OTOGL: variants seen among roughly 807,000 people sequenced by gnomAD.
The protein encoded by OTOGL is otogelin-like protein.
Under a neutral mutation model 318.5 loss-of-function variants are expected in OTOGL, and 285 were observed. That is an observed-to-expected ratio of 0.89 (90% confidence interval 0.81 to 0.99). The LOEUF (loss-of-function observed/expected upper bound fraction) is 0.99. Among genes scored for constraint, OTOGL ranks in the 50% least tolerant of loss-of-function variants. The pLI is 0.00. For missense variants in OTOGL, 2,899 were observed against 2,845.6 expected, an observed-to-expected ratio of 1.02 and a Z score of -0.43; for synonymous variants, 987 against 936.5, an observed-to-expected ratio of 1.05 and a Z score of -0.99.
intron 37 of OTOGL, among the ~76,000 whole-genome samples, chr12:80,332,754 A>G (rs1888155505): frequency 1.3e-5 from 2 of 152,222 alleles, no homozygotes; most frequent in Non-Finnish European, 2.9e-5. Context: ...TTAAAAGCCA[A>G]ATTTCTGGAA....
chr12:80,105,150 GA>G (rs200940002), intron 1 of OTOGL, among the ~76,000 whole-genome samples: 8 of 150,782 alleles, frequency 5.3e-5, no homozygotes, highest in Admixed American at 1.3e-4. Flanking sequence ...AGTATGCTGA[GA>G]AAAAAAAACA....
intron 19 of OTOGL, 127 bp from the exon 20 acceptor site, chr12:80,264,874 G>A: frequency 1.0e-6 from 1 of 988,812 alleles, no homozygotes; most frequent in East Asian, 2.4e-5. Context: ...TGTATAAGCT[G>A]AAATTGTTCA....
At position 80,222,232 on chromosome 12, in the gene OTOGL, G is replaced by T; in HGVS notation, c.476G>T (p.Arg159Leu). The T allele has an allele frequency of 1.3e-6, 2 of 1,595,580 alleles. No individual in the cohort carries two copies. Among genetic ancestry groups the T allele is most frequent in the Admixed American group, 1.7e-5 (1 of 59,856 alleles). Residue 159 changes from arginine to leucine, a missense_variant, in exon 7 of 59, where the codon CGG becomes CTG. Physicochemically the swap from Arg to Leu is moderately radical, Grantham distance 102. This residue lies in a region of OTOGL where 2,607 missense variants were observed against 2,524.9 expected (regional missense o/e 1.03). Coordinates refer to ENST00000547103, the MANE Select transcript of OTOGL (RefSeq NM_001378609.3). ...AAGGACTGTGGTGATTTGGAGCCTC[G>T]GTACACTGTATGGGTAGGTGATTGT... The part of the protein sequence containing the change: ...FAKDCGDLEP[R>L]YTVWVHNSPK...
At chr12:80,307,260 C>CT (rs1326285668) in intron 29 of OTOGL, among the ~76,000 whole-genome samples, 2 of 41,738 alleles carry the variant, frequency 4.8e-5, no homozygotes, top group Non-Finnish European at 2.1e-4. Context: ...CCCCACCTTT[C>CT]CCCCCTTTCT....
intron 52 of OTOGL, among the ~76,000 whole-genome samples, chr12:80,360,716 G>A (rs1024212999): frequency 8.6e-5 from 13 of 151,834 alleles, no homozygotes; most frequent in Non-Finnish European, 1.3e-4. Flanking sequence ...TCCTTACCTC[G>A]TGATCTGCTC....
intron 9 of OTOGL, among the ~76,000 whole-genome samples, chr12:80,234,795 T>C (rs570772647): frequency 1.1e-4 from 16 of 152,312 alleles, no homozygotes; most frequent in Admixed American, 2.6e-4. Context: ...AGTTTACTAG[T>C]AGCTAGAGTA....
rs1314699400 is a variant in OTOGL at position 80,138,939 on chromosome 12, A to G, written c.-20+39334A>G. On this transcript the variant is annotated intron_variant, in intron 1 of 58. Transcript: ENST00000547103. ...GTCCAGTGTGGTAAACATTTAGACT[A>G]TCTTTCTCACCGTCTCTTCCAACTA... 2.6e-5 allele frequency among the ~76,000 whole-genome samples: 4 copies of G among 152,288 alleles called. 1 individual carries two copies. The highest frequency in any genetic ancestry group is 2.0e-4 in the Admixed American group (3 of 15,282).
intron 1 of OTOGL, among the ~76,000 whole-genome samples, chr12:80,126,290 A>G (rs908676755): frequency 2.0e-5 from 3 of 152,036 alleles, no homozygotes; most frequent in African/African-American, 7.2e-5. Context: ...CCTTCATTTC[A>G]TTATGTACCC....
At chr12:80,144,764 G>C (rs1474426493) in intron 1 of OTOGL, among the ~76,000 whole-genome samples, 5 of 152,098 alleles carry the variant, frequency 3.3e-5, no homozygotes, top group Non-Finnish European at 7.4e-5. Context: ...AGTGTGAGAT[G>C]GTATCTCATT....
At chr12:80,323,243 G>A (rs537279734) in intron 34 of OTOGL, among the ~76,000 whole-genome samples, 1 of 152,154 alleles carries the variant, frequency 6.6e-6, no homozygotes, top group Non-Finnish European at 1.5e-5. Context: ...TTTAATCTGA[G>A]CATGAAATGC....
chr12:80,193,004 A>T (rs1217359369), intron 1 of OTOGL, among the ~76,000 whole-genome samples: 1 of 151,772 alleles, frequency 6.6e-6, no homozygotes, highest in Non-Finnish European at 1.5e-5. Context: ...AAAAAAACCG[A>T]ATCAGTTGAA....
rs1399837334 is a variant in OTOGL, at chr12:80,358,727, C to A, written c.6178C>A (p.Leu2060Ile). 3 of 1,613,226 alleles carry A rather than the reference C, an allele frequency of 1.9e-6. No homozygotes were observed. The South Asian group carries it at 3.3e-5, about 18-fold the overall frequency. Residue 2060 changes from leucine to isoleucine, a missense_variant, in exon 51 of 59, where the codon CTT (leucine) becomes ATT (isoleucine). This residue lies in a region of OTOGL where 2,607 missense variants were observed against 2,524.9 expected (regional missense o/e 1.03). Transcript: ENST00000547103. ...ACTCAACTGTGCAGAAGATATGAAT[C>A]TTGTGAAAGAAAATGTATCTGGTCA... ...PLLNCAEDMN[L>I]VKENVSGQCC...
chr12:80,316,851 A>G (rs1213299302), intron 32 of OTOGL, among the ~76,000 whole-genome samples: 1 of 152,176 alleles, frequency 6.6e-6, no homozygotes, highest in Non-Finnish European at 1.5e-5. Flanking sequence ...TCATAAATTT[A>G]CCTAGTCCTT....
At chr12:80,107,450 C>T (rs957765977) in intron 1 of OTOGL, among the ~76,000 whole-genome samples, 1 of 152,122 alleles carries the variant, frequency 6.6e-6, no homozygotes, top group African/African-American at 2.4e-5. Context: ...GAAAAAATGA[C>T]AGATGCTAGT....
At chr12:80,328,605 C>CTT (rs35859327) in intron 35 of OTOGL, 60 bp from the exon 36 acceptor site, 12,719 of 1,003,298 alleles carry the variant, frequency 0.013, no homozygotes, top group Non-Finnish European at 0.016. Flanking sequence ...AAATGTAGTC[C>CTT]TTTTTTTTTT....
Position 80,378,105 on chromosome 12 carries a change from T to C in OTOGL, c.*57T>C. 1 of 1,300,664 alleles carries C rather than the reference T, an allele frequency of 7.7e-7. No individual in the cohort carries two copies. Among genetic ancestry groups the C allele is most frequent in the Non-Finnish European group, 1.1e-6 (1 of 937,324 alleles). 80.6% of individuals were successfully genotyped at this position (1,300,664 alleles called of 1,614,324 possible). A position where few individuals can be genotyped will look rare whatever the true frequency, so the allele number is the denominator to read the frequency against. Reference sequence around the variant, plus strand: ...CATAACGTCAGATAGAATTAACTTTTATTGCTATTACTTAGGCATGTGGCA... The same window carrying C: ...CATAACGTCAGATAGAATTAACTTTCATTGCTATTACTTAGGCATGTGGCA... On this transcript the variant is annotated 3_prime_UTR_variant, in exon 59 of 59. Coordinates refer to ENST00000547103, the MANE Select transcript of OTOGL (RefSeq NM_001378609.3).
Position 80,318,921 on chromosome 12 carries a change from T to C in OTOGL, c.3802+208T>C, listed in dbSNP as rs964658523. Among the ~76,000 whole-genome samples, 31 of 152,314 alleles carry C rather than the reference T, an allele frequency of 2.0e-4. 1 individual carries two copies. Among genetic ancestry groups the C allele is most frequent in the Admixed American group, 1.8e-3 (28 of 15,294 alleles). ...CTTTGTTTATTTATTGGCATATATA[T>C]ATTAGAATTGCAAATGTTTGAGTTT... On this transcript the variant is annotated intron_variant, in intron 33 of 58. Transcript: ENST00000547103.
chr12:80,353,728 A>G (rs1353993665), intron 46 of OTOGL, among the ~76,000 whole-genome samples: 3 of 152,236 alleles, frequency 2.0e-5, no homozygotes, highest in Admixed American at 6.5e-5. Context: ...ATATCTGCCC[A>G]TAGTAACTGA....
intron 1 of OTOGL, among the ~76,000 whole-genome samples, chr12:80,176,535 CAA>C (rs1874540288): frequency 6.6e-6 from 1 of 152,034 alleles, no homozygotes. Flanking sequence ...TTTTTTCACT[CAA>C]TATATTTTTT....
Sources: gnomAD v4.1 joint callset for allele counts (sites outside exome capture counted in the v4.1 genomes callset) on GRCh38, gnomAD v4.1.1 for gene constraint, gnomAD v4.1.1 regional missense constraint, MANE v1.5 for transcripts, NCBI Gene and HGNC (gene_info 2026-07-23, HGNC 2026-07-21) for gene names.